Variants in ELMO1 observed in about 807,000 individuals in gnomAD.
The protein encoded by ELMO1 is engulfment and cell motility 1, also known as engulfment and cell motility protein 1.
A neutral mutation model predicts 98.9 loss-of-function variants in ELMO1; 26 were observed. That is an observed-to-expected ratio of 0.26 (90% CI 0.19 to 0.36). ELMO1 has a LOEUF of 0.36. ELMO1 is among the 10% of genes least tolerant of loss of function. The probability of loss-of-function intolerance (pLI) is 1.00; values close to 1 mark genes in which losing one functional copy is unlikely to be tolerated. For synonymous variants in ELMO1, 346 were observed against 346.0 expected (o/e 1.00, Z 0.00); for missense variants, 627 against 935.2 (o/e 0.67, Z 4.30).
chr7:37,423,008 T>C (rs1440434696), intron 1 of ELMO1, among the ~76,000 whole-genome samples: 1 of 152,230 alleles, frequency 6.6e-6, no homozygotes, highest in Non-Finnish European at 1.5e-5. Context: ...AAGCATTACA[T>C]AACTTGTTTA....
chr7:37,152,485 CA>C (rs1412341213), intron 13 of ELMO1, among the ~76,000 whole-genome samples: 1 of 149,580 alleles, frequency 6.7e-6, no homozygotes, highest in African/African-American at 2.5e-5. Context: ...TCAACAGTAA[CA>C]GCCACTTAGT....
chr7:36,935,228 T>G (rs570707481), intron 16 of ELMO1, among the ~76,000 whole-genome samples: 32 of 152,286 alleles, frequency 2.1e-4, no homozygotes, highest in African/African-American at 7.0e-4. Context: ...TTTGCTTGGC[T>G]CTTACTCTTC....
chr7:36,975,723 T>C (rs1263678656), intron 16 of ELMO1, among the ~76,000 whole-genome samples: 1 of 151,266 alleles, frequency 6.6e-6, no homozygotes, highest in Non-Finnish European at 1.5e-5. Flanking sequence ...GGTGCATGCC[T>C]GTAATCCCAG....
intron 16 of ELMO1, among the ~76,000 whole-genome samples, chr7:36,959,918 T>C (rs1788800912): frequency 6.6e-6 from 1 of 152,172 alleles, no homozygotes; most frequent in Non-Finnish European, 1.5e-5. Context: ...TGACCTCAAA[T>C]GATCTGTCCA....
chr7:37,378,559 T>C (rs779229473), intron 1 of ELMO1, among the ~76,000 whole-genome samples: 2 of 151,848 alleles, frequency 1.3e-5, no homozygotes, highest in East Asian at 3.9e-4. Flanking sequence ...AAGGAACAAA[T>C]GTCATTTTAA....
At chr7:37,214,270 G>T (rs764037853) in intron 11 of ELMO1, among the ~76,000 whole-genome samples, 4 of 152,164 alleles carry the variant, frequency 2.6e-5, no homozygotes, top group Non-Finnish European at 5.9e-5. Context: ...GATCAATGTG[G>T]TGGAACAACC....
At chr7:37,188,444 A>G (rs56991658) in intron 13 of ELMO1, among the ~76,000 whole-genome samples, 89 of 13,014 alleles carry the variant, frequency 6.8e-3, no homozygotes, top group Non-Finnish European at 8.5e-3. Flanking sequence ...ACACACACAC[A>G]CACACACGCA....
chr7:37,222,675 T>C lies in ELMO1; in HGVS notation c.720A>G (p.Gln240=). 6.2e-7 allele frequency: 1 copy of C among 1,613,936 alleles called. No individual in the cohort carries two copies. The highest frequency in any genetic ancestry group is 8.5e-7 in the Non-Finnish European group (1 of 1,179,880). Residue 240 remains glutamine, a synonymous_variant, in exon 10 of 22, where the codon CAA becomes CAG. Transcript: ENST00000310758. ...PHLQGSDQEI[Q]TYTIAVINAL... The stretch of plus-strand genomic sequence containing the variant: ...CATTAATCACTGCAATAGTATAGGT[T>C]TGGATTTCTTGATCTGACCTGTAAA...
At chr7:37,171,041 G>A (rs1790119542) in intron 13 of ELMO1, among the ~76,000 whole-genome samples, 1 of 152,164 alleles carries the variant, frequency 6.6e-6, no homozygotes, top group South Asian at 2.1e-4. Flanking sequence ...TGGCAAAATA[G>A]AGACACTGAA....
rs917820403 is a variant in ELMO1 at position 37,181,054 on chromosome 7, T to C, written c.1086+30332A>G. ...AATATTATAAATGTACTAAATGAAA[T>C]GTCTACTTTAACATGCTTAATTTTA... is the stretch of plus-strand genomic sequence containing the variant. On this transcript the variant is annotated intron_variant, in intron 13 of 21. Coordinates refer to ENST00000310758, the MANE Select transcript of ELMO1 (RefSeq NM_014800.11). 9.2e-4 allele frequency among the ~76,000 whole-genome samples: 140 copies of C among 152,130 alleles called. 1 individual carries two copies. Among genetic ancestry groups the C allele is most frequent in the African/African-American group, 3.2e-3 (132 of 41,366 alleles).
In ELMO1 at chr7:37,049,241, C is replaced by T. The variant is rs777007927; in HGVS notation, c.1301-35806G>A. 2.6e-5 allele frequency among the ~76,000 whole-genome samples: 4 copies of T among 152,022 alleles called. No homozygotes were observed. The South Asian group carries it at 8.3e-4, about 32-fold the overall frequency. The stretch of plus-strand genomic sequence containing the variant: ...TGGGGAGAGGGTCACTGCCTGCAAC[C>T]GAGCAGGGACAGTGCCGCTTTGGGA... On this transcript the variant is annotated intron_variant, in intron 15 of 21. Coordinates refer to ENST00000310758, the MANE Select transcript of ELMO1 (RefSeq NM_014800.11).
intron 13 of ELMO1, among the ~76,000 whole-genome samples, chr7:37,180,591 A>C (rs1176667868): frequency 2.6e-5 from 4 of 152,184 alleles, no homozygotes; most frequent in African/African-American, 9.7e-5. Context: ...AGGAAATTTG[A>C]TGAATTTTGA....
intron 4 of ELMO1, among the ~76,000 whole-genome samples, chr7:37,285,758 G>A (rs1020545287): frequency 1.3e-5 from 2 of 152,174 alleles, no homozygotes; most frequent in African/African-American, 4.8e-5. Context: ...TGTGTTTCCA[G>A]GGGAGAAGCA....
intron 16 of ELMO1, among the ~76,000 whole-genome samples, chr7:36,919,201 T>C (rs1784944637): frequency 6.6e-6 from 1 of 152,216 alleles, no homozygotes; most frequent in South Asian, 2.1e-4. Flanking sequence ...GTAACTCTGT[T>C]GAATGTCACT....
At chr7:37,155,355 A>G (rs1258837360) in intron 13 of ELMO1, among the ~76,000 whole-genome samples, 2 of 152,192 alleles carry the variant, frequency 1.3e-5, no homozygotes, top group Admixed American at 6.5e-5. Flanking sequence ...TAATTAAAAG[A>G]CACAGACTGG....
At chr7:37,038,179 C>T (rs545210737) in intron 15 of ELMO1, among the ~76,000 whole-genome samples, 28 of 152,186 alleles carry the variant, frequency 1.8e-4, no homozygotes, top group Non-Finnish European at 8.8e-5. Flanking sequence ...CTTCCCAGAG[C>T]CTCCAGCTCC....
At chr7:36,859,049 C>A (rs953788305) in intron 21 of ELMO1, among the ~76,000 whole-genome samples, 1 of 152,058 alleles carries the variant, frequency 6.6e-6, no homozygotes, top group African/African-American at 2.4e-5. Flanking sequence ...ACCTGTTTTT[C>A]CCAATAAATA....
At chr7:37,122,514 G>C (rs112760984) in intron 14 of ELMO1, among the ~76,000 whole-genome samples, 5,718 of 152,122 alleles carry the variant, frequency 0.038, 299 homozygotes, top group African/African-American at 0.12. Context: ...AGACTTTAAA[G>C]CAACAAAGAT....
Position 37,354,524 on chromosome 7 carries a change from T to C in ELMO1, c.-73-11761A>G, listed in dbSNP as rs151162328. Among the ~76,000 whole-genome samples, 559 of 152,362 alleles carry C rather than the reference T, an allele frequency of 3.7e-3. 5 individuals are homozygous for C. The highest frequency in any genetic ancestry group is 0.013 in the African/African-American group (538 of 41,586). The stretch of plus-strand genomic sequence containing the variant: ...GACCTGAGCTGAGCCACTCACTCTC[T>C]TCCCTTCACTCCAAGCTCTCTTGCG... On this transcript the variant is annotated intron_variant, in intron 1 of 21. Coordinates refer to ENST00000310758, the MANE Select transcript of ELMO1 (RefSeq NM_014800.11).
Sources: gnomAD v4.1 joint callset for allele counts (sites outside exome capture counted in the v4.1 genomes callset) on GRCh38, gnomAD v4.1.1 for gene constraint, MANE v1.5 for transcripts, NCBI Gene and HGNC (gene_info 2026-07-23, HGNC 2026-07-21) for gene names.